Variants in RUFY1 observed in about 807,000 individuals in gnomAD.
RUFY1 encodes the protein RUN and FYVE domain-containing protein 1.
RUFY1 carries 54 observed loss-of-function variants against 94.6 expected under a neutral mutation model. The observed-to-expected ratio is 0.57, with a 90% CI of 0.46 to 0.72. The LOEUF is 0.72. Ranked by LOEUF, RUFY1 falls within the 30% of genes least tolerant of loss-of-function variation. The pLI, the probability that RUFY1 is intolerant of heterozygous loss-of-function variation, is 0.00. For missense variants in RUFY1, 883 were observed against 883.9 expected (o/e 1.00, Z 0.01); for synonymous variants, 396 against 347.3 (o/e 1.14, Z -1.56).
chr5:179,566,475 A>G (rs1011778021), intron 3 of RUFY1, among the ~76,000 whole-genome samples: 3 of 151,990 alleles, frequency 2.0e-5, no homozygotes, highest in Non-Finnish European at 4.4e-5. Context: ...GCGTGGTGGC[A>G]GGTGCCTGTA....
intron 4 of RUFY1, chr5:179,569,094 CG>C: frequency 8.1e-6 from 8 of 983,044 alleles, no homozygotes; most frequent in Non-Finnish European, 9.6e-6. Context: ...GGAGGAGAGG[CG>C]AGCCCATTCT....
At chr5:179,565,050 CAT>C (rs764917609) in intron 3 of RUFY1, among the ~76,000 whole-genome samples, 11 of 150,922 alleles carry the variant, frequency 7.3e-5, no homozygotes, top group Admixed American at 4.0e-4. Flanking sequence ...TGTGTAGAAA[CAT>C]GTTTCGGAAA....
At chr5:179,589,409 C>T in intron 8 of RUFY1, 137 bp from the exon 9 acceptor site, 1 of 626,626 alleles carries the variant, frequency 1.6e-6, no homozygotes, top group Non-Finnish European at 2.9e-6. Flanking sequence ...TGTATTATTA[C>T]CTATTGAAAA....
At chr5:179,591,868 A>T (rs981776047) in intron 10 of RUFY1, 127 bp downstream of exon 10, 23 of 564,634 alleles carry the variant, frequency 4.1e-5, no homozygotes, top group Middle Eastern at 2.8e-4. Context: ...CATTAAAAAA[A>T]TTTTTTTTAA....
chr5:179,569,781 G>A (rs1229989100), intron 5 of RUFY1, among the ~76,000 whole-genome samples: 2 of 152,094 alleles, frequency 1.3e-5, no homozygotes, highest in African/African-American at 2.4e-5. Context: ...GTCTCGTTGT[G>A]TCTCCCAGGC....
chr5:179,595,775 C>G (rs1158578524), intron 12 of RUFY1: 1 of 152,166 alleles, frequency 6.6e-6, no homozygotes, highest in Non-Finnish European at 1.5e-5. Flanking sequence ...GTCTCGAACT[C>G]CCGACCTCAG....
chr5:179,580,323 A>G (rs1161160071), intron 6 of RUFY1, among the ~76,000 whole-genome samples: 5 of 149,920 alleles, frequency 3.3e-5, no homozygotes, highest in African/African-American at 7.3e-5. Context: ...GCTCACTGCA[A>G]GCTCCGCCTC....
chr5:179,592,856 A>G (rs150239687), intron 10 of RUFY1, among the ~76,000 whole-genome samples: 3 of 152,308 alleles, frequency 2.0e-5, no homozygotes, highest in Admixed American at 2.0e-4. Context: ...CAGCACTCAA[A>G]CGAGACAGAT....
chr5:179,590,478 TTTG>T lies in RUFY1; in HGVS notation c.1128+843_1128+845del, dbSNP rs200592553. Among the ~76,000 whole-genome samples, 1,029 of 151,906 alleles carry T rather than the reference TTTG, an allele frequency of 6.8e-3. 14 individuals carry two copies. Among genetic ancestry groups the T allele is most frequent in the African/African-American group, 0.023 (963 of 41,446 alleles). ...CCTGCGAATGGAGTCTTGTTCTGTT[TTTG>T]TTGTTGTTGTTTGTTTGTTTCTAGA... On this transcript the variant is annotated intron_variant, in intron 9 of 17. Coordinates refer to ENST00000319449, the MANE Select transcript of RUFY1 (RefSeq NM_025158.5).
At chr5:179,579,659 T>TTTTCTTTC (rs1311857062) in intron 6 of RUFY1, among the ~76,000 whole-genome samples, 36 of 81,638 alleles carry the variant, frequency 4.4e-4, no homozygotes, top group Non-Finnish European at 7.6e-4. Flanking sequence ...TTCTTCTTCT[T>TTTTCTTTC]TTTTTTTTTT....
rs1232318065 is a variant in RUFY1 at position 179,593,539 on chromosome 5, A to T, written c.1307A>T (p.Lys436Met). The part of the protein sequence containing the change: ...GMKTEMEIAM[K>M]LLEKDTHEKQ... The stretch of plus-strand genomic sequence containing the variant: ...AAAACCGAAATGGAAATTGCAATGA[A>T]GTTACTGGAAAAGGACACCCACGAG... The change falls in exon 11 of 18, where the codon AAG becomes ATG. Residue 436 changes from lysine (K) to methionine (M), a missense_variant. Physicochemically the swap from Lys to Met is moderately conservative, Grantham distance 95. Transcript: ENST00000319449. 1 of 1,614,022 alleles carries T rather than the reference A, an allele frequency of 6.2e-7. No homozygotes were observed. The highest frequency in any genetic ancestry group is 8.5e-7 in the Non-Finnish European group (1 of 1,179,846).
At chr5:179,563,991 G>A (rs1005162397) in intron 3 of RUFY1, among the ~76,000 whole-genome samples, 21 of 151,656 alleles carry the variant, frequency 1.4e-4, no homozygotes, top group African/African-American at 5.1e-4. Context: ...TTTTTCATGA[G>A]CCTCTCAAGT....
chr5:179,580,566 A>C (rs1262167475), intron 6 of RUFY1, among the ~76,000 whole-genome samples: 1 of 149,780 alleles, frequency 6.7e-6, no homozygotes, highest in African/African-American at 2.5e-5. Context: ...TTTTTTTTTA[A>C]TCCAAACTGG....
chr5:179,552,188 C>A (rs1242882281), intron 1 of RUFY1, among the ~76,000 whole-genome samples: 165 of 68,014 alleles, frequency 2.4e-3, no homozygotes, highest in East Asian at 8.2e-3. Flanking sequence ...AAAAAAAAAA[C>A]TTGTTCCTCG....
chr5:179,559,980 C>T (rs746568258), intron 1 of RUFY1, 45 bp from the exon 2 acceptor site: 3 of 1,585,040 alleles, frequency 1.9e-6, no homozygotes, highest in South Asian at 2.3e-5. Flanking sequence ...CTGACCTCCC[C>T]ACGCTCAGTC....
Position 179,595,949 on chromosome 5 carries a change from C to G in RUFY1, c.1512-613C>G, listed in dbSNP as rs1236442919. On this transcript the variant is annotated intron_variant, in intron 12 of 17. Transcript: ENST00000319449. ...GTAGGAATGCAAAATGGTGCAACCA[C>G]TCAGGAAAACAGTTTCTCAAGAAGC... is the stretch of plus-strand genomic sequence containing the variant. The G allele has an allele frequency of 1.3e-5, 2 of 155,552 alleles. 1 individual carries two copies. The highest frequency in any genetic ancestry group is 4.8e-5 in the African/African-American group (2 of 41,448). The allele number at this position is 155,552 out of a possible 1,614,324, so 9.6% of individuals were successfully genotyped here.
At chr5:179,609,262 G>A in intron 17 of RUFY1, 114 bp from the exon 18 acceptor site, 3 of 996,480 alleles carry the variant, frequency 3.0e-6, no homozygotes, top group South Asian at 1.7e-5. Flanking sequence ...CCACCCCACA[G>A]AAACATAAGA....
Position 179,609,450 on chromosome 5 carries a change from C to A in RUFY1, c.2058C>A (p.Pro686=). 2 of 1,612,724 alleles carry A rather than the reference C, an allele frequency of 1.2e-6. No individual in the cohort carries two copies. Among genetic ancestry groups the A allele is most frequent in the Non-Finnish European group, 1.7e-6 (2 of 1,179,824 alleles). ...SSNELALPSY[P]KPVRVCDSCH... ...ACGAGCTGGCCCTGCCCTCCTACCC[C>A]AAGCCGGTGCGAGTGTGCGACAGCT... is the stretch of plus-strand genomic sequence containing the variant. The change falls in exon 18 of 18, where the codon CCC becomes CCA. Residue 686 remains proline, a synonymous_variant. Transcript: ENST00000319449.
intron 1 of RUFY1, among the ~76,000 whole-genome samples, chr5:179,557,279 A>C (rs1762158418): frequency 1.3e-5 from 2 of 152,006 alleles, no homozygotes; most frequent in African/African-American, 4.8e-5. Context: ...AAATACAAAA[A>C]ATTACCTGGG....
Sources: gnomAD v4.1 joint callset for allele counts (sites outside exome capture counted in the v4.1 genomes callset) on GRCh38, gnomAD v4.1.1 for gene constraint, MANE v1.5 for transcripts, NCBI Gene and HGNC (gene_info 2026-07-23, HGNC 2026-07-21) for gene names.